FAM78B: variants seen among roughly 807,000 people sequenced by gnomAD.
The protein encoded by FAM78B is protein FAM78B.
In FAM78B, 10 loss-of-function variants were observed where a neutral mutation model predicts 20.0. The observed-to-expected ratio is 0.50, with a 90% CI of 0.31 to 0.85. FAM78B has a LOEUF of 0.85. Ranked by LOEUF, FAM78B falls within the 40% of genes least tolerant of loss-of-function variation. The pLI is 0.05. For synonymous variants in FAM78B, 135 were observed against 132.8 expected (o/e 1.02, Z -0.12); for missense variants, 283 against 345.0 (o/e 0.82, Z 1.42).
At chr1:166,147,201 A>G (rs903422167) in intron 1 of FAM78B, among the ~76,000 whole-genome samples, 1 of 152,182 alleles carries the variant, frequency 6.6e-6, no homozygotes, top group African/African-American at 2.4e-5. Flanking sequence ...AGGATAGGAA[A>G]GGCTGGTTGT....
At chr1:166,159,749 C>T (rs1656072457) in intron 1 of FAM78B, among the ~76,000 whole-genome samples, 1 of 152,190 alleles carries the variant, frequency 6.6e-6, no homozygotes, top group African/African-American at 2.4e-5. Context: ...TTTGTTTCTC[C>T]CCCTCTACAT....
intron 1 of FAM78B, among the ~76,000 whole-genome samples, chr1:166,129,146 T>C (rs1459675553): frequency 2.0e-5 from 3 of 152,174 alleles, no homozygotes; most frequent in African/African-American, 7.2e-5. Flanking sequence ...GGCCCAGCTG[T>C]GCCAATTCAG....
chr1:166,070,153 G>GA lies in FAM78B; in HGVS notation c.*87dup. 4.2e-6 allele frequency: 6 copies of GA among 1,431,880 alleles called. No homozygotes were observed. Among genetic ancestry groups the GA allele is most frequent in the Non-Finnish European group, 4.6e-6 (5 of 1,087,786 alleles). 88.7% of individuals were successfully genotyped at this position (1,431,880 alleles called of 1,614,324 possible). On this transcript the variant is annotated 3_prime_UTR_variant, in exon 2 of 2. Transcript: ENST00000354422. ...AAACCGAGAGGTCTGCTTTGGCTCA[G>GA]AAACTCTGTTTGGCTCCTGCCACCC... is the stretch of plus-strand genomic sequence containing the variant.
At chr1:166,128,213 T>TCA (rs1359243307) in intron 1 of FAM78B, among the ~76,000 whole-genome samples, 69 of 32,206 alleles carry the variant, frequency 2.1e-3, no homozygotes, top group African/African-American at 7.8e-3. Context: ...CCTCTTTTAT[T>TCA]TATTCATTCA....
intron 1 of FAM78B, among the ~76,000 whole-genome samples, chr1:166,101,460 G>GA (rs1302199435): frequency 1.3e-5 from 2 of 151,764 alleles, no homozygotes; most frequent in Non-Finnish European, 2.9e-5. Context: ...TAAAAACCTT[G>GA]AAAAAAAATT....
At chr1:166,126,577 T>A (rs772075485) in intron 1 of FAM78B, among the ~76,000 whole-genome samples, 1 of 151,728 alleles carries the variant, frequency 6.6e-6, no homozygotes, top group Non-Finnish European at 1.5e-5. Flanking sequence ...TGGGCAAAGG[T>A]CTAAAAGTGA....
At chr1:166,077,871 TA>T (rs1223922074) in intron 1 of FAM78B, among the ~76,000 whole-genome samples, 7 of 33,144 alleles carry the variant, frequency 2.1e-4, no homozygotes, top group Non-Finnish European at 1.5e-4. Context: ...TTTATATATA[TA>T]ATTATATATA....
chr1:166,131,067 C>T (rs1654860250), intron 1 of FAM78B, among the ~76,000 whole-genome samples: 2 of 149,700 alleles, frequency 1.3e-5, no homozygotes, highest in Admixed American at 6.7e-5. Context: ...TCTTGGCTCA[C>T]TGCAACCTCC....
chr1:166,129,502 G>A (rs1262517802), intron 1 of FAM78B, among the ~76,000 whole-genome samples: 1 of 152,032 alleles, frequency 6.6e-6, no homozygotes, highest in African/African-American at 2.4e-5. Flanking sequence ...CTCCCAGGAA[G>A]TGTGTGAGAC....
At chr1:166,075,385 A>T (rs1254754694) in intron 1 of FAM78B, among the ~76,000 whole-genome samples, 1 of 152,170 alleles carries the variant, frequency 6.6e-6, no homozygotes. Context: ...AGAATAAATA[A>T]ACAAAAAGAA....
intron 1 of FAM78B, among the ~76,000 whole-genome samples, chr1:166,142,529 G>A (rs887513176): frequency 1.3e-5 from 2 of 152,174 alleles, no homozygotes; most frequent in African/African-American, 2.4e-5. Context: ...AGGTCTAAGT[G>A]GGAAAAGAGG....
At chr1:166,137,280 C>G (rs1304571728) in intron 1 of FAM78B, among the ~76,000 whole-genome samples, 2 of 152,220 alleles carry the variant, frequency 1.3e-5, no homozygotes, top group African/African-American at 4.8e-5. Context: ...TCTGGCTCAG[C>G]AGGACAGTGA....
intron 1 of FAM78B, among the ~76,000 whole-genome samples, chr1:166,103,509 G>C (rs1653619205): frequency 6.6e-6 from 1 of 152,156 alleles, no homozygotes; most frequent in Non-Finnish European, 1.5e-5. Flanking sequence ...AATAAAAAAT[G>C]ATAAGGGGGA....
At chr1:166,102,122 A>G (rs1331005327) in intron 1 of FAM78B, among the ~76,000 whole-genome samples, 2 of 152,154 alleles carry the variant, frequency 1.3e-5, no homozygotes, top group African/African-American at 2.4e-5. Flanking sequence ...CTTCATAACC[A>G]AAGGAGAAAT....
At chr1:166,090,413 G>A (rs932474911) in intron 1 of FAM78B, among the ~76,000 whole-genome samples, 3 of 152,128 alleles carry the variant, frequency 2.0e-5, no homozygotes, top group African/African-American at 7.2e-5. Context: ...TCAACAGGAA[G>A]ACTAGGCTGA....
downstream of FAM78B, among the ~76,000 whole-genome samples, chr1:166,057,151 A>C (rs545906463): frequency 2.6e-5 from 4 of 151,776 alleles, no homozygotes; most frequent in Admixed American, 2.6e-4. Context: ...TAGCAGCCCC[A>C]AAAGACTAAG....
At chr1:166,104,529 C>CA (rs1439835552) in intron 1 of FAM78B, among the ~76,000 whole-genome samples, 1 of 152,060 alleles carries the variant, frequency 6.6e-6, no homozygotes, top group Non-Finnish European at 1.5e-5. Context: ...AATCAATGTG[C>CA]AAAAATCACA....
intron 1 of FAM78B, among the ~76,000 whole-genome samples, chr1:166,080,475 C>G (rs1404218784): frequency 2.0e-5 from 3 of 152,182 alleles, no homozygotes; most frequent in African/African-American, 7.2e-5. Context: ...ATAGCTCACA[C>G]TTAACCTGAA....
chr1:166,085,853 T>C (rs985304583), intron 1 of FAM78B, among the ~76,000 whole-genome samples: 1 of 152,160 alleles, frequency 6.6e-6, no homozygotes, highest in Non-Finnish European at 1.5e-5. Context: ...AATAAAGAGA[T>C]GTGTTTACTA....
Sources: allele counts gnomAD v4.1 joint callset (sites outside exome capture counted in the v4.1 genomes callset), GRCh38; gene constraint gnomAD v4.1.1; transcripts MANE v1.5; gene names NCBI Gene and HGNC (gene_info 2026-07-23, HGNC 2026-07-21).